ORAI2: variants seen among roughly 807,000 people sequenced by gnomAD.
ORAI2 encodes the protein protein orai-2.
Under a neutral mutation model 16.2 loss-of-function variants are expected in ORAI2, and 10 were observed. That is an observed-to-expected ratio of 0.62 (90% CI 0.38 to 1.04). The LOEUF (loss-of-function observed/expected upper bound fraction) is 1.04. Ranked by LOEUF, ORAI2 falls within the 50% of genes least tolerant of loss-of-function variation. The pLI is 0.01. For synonymous variants in ORAI2, 150 were observed against 157.5 expected (o/e 0.95, Z 0.35); for missense variants, 238 against 355.5 (o/e 0.67, Z 2.66).
rs188393617 is a variant in ORAI2 at position 102,451,144 on chromosome 7, T to G, written c.*4092T>G. 1 of 145,704 alleles carries G rather than the reference T, an allele frequency of 6.9e-6. No homozygotes were observed. Among genetic ancestry groups the G allele is most frequent in the Non-Finnish European group, 1.5e-5 (1 of 67,310 alleles). The allele number at this position is 145,704 out of a possible 1,614,324, so 9.0% of individuals were successfully genotyped here. On this transcript the variant is annotated 3_prime_UTR_variant, in exon 4 of 4. Transcript: ENST00000495936. ...TGAACCCGGGAGGCGGAGGTTGCAG[T>G]GAGCCGAGATCACGCCACTGCACTC... is the stretch of plus-strand genomic sequence containing the variant.
intron 3 of ORAI2, among the ~76,000 whole-genome samples, chr7:102,441,447 G>A (rs2133226558): frequency 6.6e-6 from 1 of 150,524 alleles, no homozygotes; most frequent in Middle Eastern, 3.4e-3. Context: ...GGCTGAGACG[G>A]AGAATTGCTT....
chr7:102,436,853 G>A (rs1230774165), intron 2 of ORAI2, among the ~76,000 whole-genome samples: 4 of 152,124 alleles, frequency 2.6e-5, no homozygotes, highest in South Asian at 2.1e-4. Flanking sequence ...CGGGATTACA[G>A]GAGCCCGCCA....
Position 102,438,927 on chromosome 7 carries a change from C to T in ORAI2, c.-13-17C>T, listed in dbSNP as rs1797125966. 1 of 1,609,938 alleles carries T rather than the reference C, an allele frequency of 6.2e-7. No homozygotes were observed. Among genetic ancestry groups the T allele is most frequent in the African/African-American group, 1.3e-5 (1 of 74,840 alleles). On this transcript the variant is annotated splice_polypyrimidine_tract_variant and intron_variant, in intron 2 of 3. Transcript: ENST00000495936. ...AGTAACCTAGGATGTCTGAGCATGT[C>T]TCTCTCCCACCCTTAGCCTGGCTCC...
At chr7:102,437,750 T>G (rs2133222151) in intron 2 of ORAI2, among the ~76,000 whole-genome samples, 1 of 152,178 alleles carries the variant, frequency 6.6e-6, no homozygotes, top group South Asian at 2.1e-4. Flanking sequence ...ATTATCTTAT[T>G]CAAAAGCCCT....
At chr7:102,434,132 A>C (rs1339667704) in intron 1 of ORAI2, among the ~76,000 whole-genome samples, 1 of 150,056 alleles carries the variant, frequency 6.7e-6, no homozygotes, top group Non-Finnish European at 1.5e-5. Context: ...AAAAAAAAAA[A>C]AAAAAAAAAA....
chr7:102,441,371 C>G (rs1586711045), intron 3 of ORAI2, among the ~76,000 whole-genome samples: 1 of 151,010 alleles, frequency 6.6e-6, no homozygotes. Context: ...GACACCCCGT[C>G]TCTACTAAAA....
At chr7:102,434,420 T>TC (rs1797010225) in intron 1 of ORAI2, among the ~76,000 whole-genome samples, 1 of 152,054 alleles carries the variant, frequency 6.6e-6, no homozygotes, top group Non-Finnish European at 1.5e-5. Context: ...TCCTCCACAA[T>TC]CCCACCCACT....
intron 3 of ORAI2, 71 bp downstream of exon 3, chr7:102,439,252 C>A: frequency 7.5e-7 from 1 of 1,332,086 alleles, no homozygotes; most frequent in Non-Finnish European, 1.1e-6. Context: ...CGGGATGCCT[C>A]AGGGACCAGA....
At position 102,450,847 on chromosome 7, in the gene ORAI2, A is replaced by G. The variant is rs945198868; in HGVS notation, c.*3795A>G. 6.6e-6 allele frequency: 1 copy of G among 152,228 alleles called. No homozygotes were observed. Among genetic ancestry groups the G allele is most frequent in the African/African-American group, 2.4e-5 (1 of 41,446 alleles). The allele number at this position is 152,228 out of a possible 1,614,324, so 9.4% of individuals were successfully genotyped here. ...GGCAGCATGGGCGATGAGGAATGCC[A>G]TTGCAGCCTAGAAATTCGGTTTCTG... On this transcript the variant is annotated 3_prime_UTR_variant, in exon 4 of 4. Coordinates refer to ENST00000495936, the MANE Select transcript of ORAI2 (RefSeq NM_001126340.3).
intron 1 of ORAI2, among the ~76,000 whole-genome samples, chr7:102,434,057 C>A (rs1796994596): frequency 6.9e-6 from 1 of 144,564 alleles, no homozygotes; most frequent in African/African-American, 2.6e-5. Flanking sequence ...GGAAGAAAAG[C>A]TCATCTCTAG....
At position 102,452,165 on chromosome 7, in the gene ORAI2, C is replaced by T. The variant is rs971235443; in HGVS notation, c.*5113C>T. ...TTTTTTTTTTTGAGACAGAGTCGCT[C>T]TGTCACCCAAGCTGGAATGCGGTGG... On this transcript the variant is annotated 3_prime_UTR_variant, in exon 4 of 4. Coordinates refer to ENST00000495936, the MANE Select transcript of ORAI2 (RefSeq NM_001126340.3). 2.6e-5 allele frequency: 4 copies of T among 151,394 alleles called. No individual in the cohort carries two copies. The highest frequency in any genetic ancestry group is 9.7e-5 in the African/African-American group (4 of 41,154). 9.4% of individuals were successfully genotyped at this position (151,394 alleles called of 1,614,324 possible).
intron 3 of ORAI2, among the ~76,000 whole-genome samples, chr7:102,442,910 T>C (rs1343492552): frequency 2.9e-5 from 4 of 138,664 alleles, no homozygotes; most frequent in Admixed American, 2.9e-4. Context: ...GTCCCAGCTA[T>C]TGGGGAGACT....
rs1797481689 is a variant in ORAI2, at chr7:102,449,992, G to A, written c.*2940G>A. 6.6e-6 allele frequency: 1 copy of A among 152,132 alleles called. No homozygotes were observed. Among genetic ancestry groups the A allele is most frequent in the Non-Finnish European group, 1.5e-5 (1 of 68,096 alleles). The allele number at this position is 152,132 out of a possible 1,614,324, so 9.4% of individuals were successfully genotyped here. ...TACAAAAAATTAGCTGGGTGTGGTGGCGCTCGCCTGTAGTCCCAGCTACTT... is the reference window on the plus strand; with the variant it reads ...TACAAAAAATTAGCTGGGTGTGGTGACGCTCGCCTGTAGTCCCAGCTACTT... On this transcript the variant is annotated 3_prime_UTR_variant, in exon 4 of 4. Transcript: ENST00000495936.
chr7:102,433,830 G>A lies in ORAI2; in HGVS notation c.-123+169G>A, dbSNP rs1796988340. Among the ~76,000 whole-genome samples, 1 of 152,048 alleles carries A rather than the reference G, an allele frequency of 6.6e-6. No individual in the cohort carries two copies. Among genetic ancestry groups the A allele is most frequent in the Admixed American group, 6.5e-5 (1 of 15,278 alleles). On this transcript the variant is annotated intron_variant, in intron 1 of 3. Transcript: ENST00000495936. The surrounding 1 kb of genome is among the most constrained non-coding windows in gnomAD (Gnocchi z 4.6). Reference sequence around the variant, plus strand: ...CCTCCACCCCGCGGGATCCCTGGCGGGGTGCGGCGCCCAGAGGATCAGGGT... The same window carrying A: ...CCTCCACCCCGCGGGATCCCTGGCGAGGTGCGGCGCCCAGAGGATCAGGGT...
chr7:102,437,784 C>A (rs1259916531), intron 2 of ORAI2, among the ~76,000 whole-genome samples: 1 of 152,096 alleles, frequency 6.6e-6, no homozygotes, highest in Non-Finnish European at 1.5e-5. Flanking sequence ...GGTGCAGTGG[C>A]CCACACGTGT....
In ORAI2 at chr7:102,449,859, C is replaced by T. The variant is rs1563641832; in HGVS notation, c.*2807C>T. 1 of 151,892 alleles carries T rather than the reference C, an allele frequency of 6.6e-6. No homozygotes were observed. The highest frequency in any genetic ancestry group is 2.1e-4 in the South Asian group (1 of 4,830). 9.4% of individuals were successfully genotyped at this position (151,892 alleles called of 1,614,324 possible). A position where few individuals can be genotyped will look rare whatever the true frequency, so the allele number is the denominator to read the frequency against. ...GTGCTAGTGGCCGGGCGCAGTGGCT[C>T]ACGCCTATAATCCCAGCACTTTGGG... On this transcript the variant is annotated 3_prime_UTR_variant, in exon 4 of 4. Coordinates refer to ENST00000495936, the MANE Select transcript of ORAI2 (RefSeq NM_001126340.3).
rs1797524297 is a variant in ORAI2, at chr7:102,451,743, C to A, written c.*4691C>A. 1 of 152,298 alleles carries A rather than the reference C, an allele frequency of 6.6e-6. No homozygotes were observed. The highest frequency in any genetic ancestry group is 1.5e-5 in the Non-Finnish European group (1 of 68,074). 9.4% of individuals were successfully genotyped at this position (152,298 alleles called of 1,614,324 possible). On this transcript the variant is annotated 3_prime_UTR_variant, in exon 4 of 4. Transcript: ENST00000495936. ...AAACTCCTGGAGCGCCCTCTGGCCT[C>A]CTGTCGCTGGTCACTGGCCAGTGTC...
chr7:102,454,498 T>C lies in ORAI2; in HGVS notation c.*7446T>C, dbSNP rs368236006. 170 of 153,692 alleles carry C rather than the reference T, an allele frequency of 1.1e-3. No individual in the cohort carries two copies. Among genetic ancestry groups the C allele is most frequent in the Non-Finnish European group, 9.7e-4 (66 of 68,060 alleles). The allele number at this position is 153,692 out of a possible 1,614,324, so 9.5% of individuals were successfully genotyped here. On this transcript the variant is annotated 3_prime_UTR_variant, in exon 4 of 4. Coordinates refer to ENST00000495936, the MANE Select transcript of ORAI2 (RefSeq NM_001126340.3). ...TCGAGGCAGGAATAACCCCAGAGAA[T>C]GGGCTTTGCATGGAGCTTGGCTCCT...
chr7:102,439,027 T>C lies in ORAI2; in HGVS notation c.71T>C (p.Met24Thr), dbSNP rs1032474938. 1.2e-6 allele frequency: 2 copies of C among 1,613,872 alleles called. No homozygotes were observed. Among genetic ancestry groups the C allele is most frequent in the Admixed American group, 1.7e-5 (1 of 59,974 alleles). ...PACPEPGHKG[M>T]DYRDWVRRSY... Reference sequence around the variant, plus strand: ...TGCCCTGAGCCCGGCCATAAGGGCATGGATTACCGGGACTGGGTCCGCCGC... The same window carrying C: ...TGCCCTGAGCCCGGCCATAAGGGCACGGATTACCGGGACTGGGTCCGCCGC... The change falls in exon 3 of 4, where the codon ATG becomes ACG. Residue 24 changes from methionine (M) to threonine (T), a missense_variant. This residue lies in a region of ORAI2 where 61 missense variants were observed against 72.7 expected (regional missense o/e 0.84). Coordinates refer to ENST00000495936, the MANE Select transcript of ORAI2 (RefSeq NM_001126340.3).
Sources: allele counts gnomAD v4.1 joint callset (sites outside exome capture counted in the v4.1 genomes callset), GRCh38; gene constraint gnomAD v4.1.1; regional missense constraint gnomAD v4.1.1; non-coding constraint Gnocchi (gnomAD v3.1); transcripts MANE v1.5; gene names NCBI Gene and HGNC (gene_info 2026-07-23, HGNC 2026-07-21).